The following ABCA4 variants were observed in gnomAD, a reference collection of about 807,000 sequenced individuals.
The protein encoded by ABCA4 is ATP binding cassette subfamily A member 4.
In ABCA4, 196 loss-of-function variants were observed where a neutral mutation model predicts 263.7. That is an observed-to-expected ratio of 0.74 (90% CI 0.66 to 0.84). The LOEUF (loss-of-function observed/expected upper bound fraction) is 0.84, where lower values mean the gene tolerates loss of function less well. Among genes scored for constraint, ABCA4 ranks in the 40% least tolerant of loss-of-function variants. ABCA4 has a pLI of 0.00. For missense variants in ABCA4, 2,792 were observed against 2,855.1 expected (o/e 0.98, Z 0.50); for synonymous variants, 1,133 against 1,094.2 (o/e 1.04, Z -0.70).
chr1:94,008,057 A>T lies in ABCA4; in HGVS notation c.5898+178T>A, dbSNP rs538742590. On this transcript the variant is annotated intron_variant, in intron 42 of 49. Transcript: ENST00000370225. Reference sequence around the variant, plus strand: ...TAAAATAAAAAATACTAATGAAATTAATTTTACCTATTTTCTTTTTACTTT... The same window carrying T: ...TAAAATAAAAAATACTAATGAAATTTATTTTACCTATTTTCTTTTTACTTT... Among the ~76,000 whole-genome samples, 5 of 152,352 alleles carry T rather than the reference A, an allele frequency of 3.3e-5. 1 individual carries two copies. The South Asian group carries it at 1.0e-3, about 32-fold the overall frequency.
At chr1:94,001,167 C>T (rs1264217173) in intron 45 of ABCA4, 62 bp from the exon 46 acceptor site, 2 of 1,388,768 alleles carry the variant, frequency 1.4e-6, no homozygotes, top group Admixed American at 3.4e-5. Context: ...ATTACTGCTT[C>T]CCCCTGGGCT....
In ABCA4 at chr1:94,019,741, A is replaced by C. The variant is rs1659845334; in HGVS notation, c.5037T>G (p.Asp1679Glu). ...AAATCACGCAGATGGCAACCACAGC[A>C]TCCACTGAAGTGGTCAGCCTGCAGC... ...SEITVLTTSVDAVVAICVIFS... is the reference protein window; with the variant it reads ...SEITVLTTSVEAVVAICVIFS... Residue 1679 changes from aspartate (D) to glutamate (E), a missense_variant, in exon 36 of 50, where the codon GAT becomes GAG. Coordinates refer to ENST00000370225, the MANE Select transcript of ABCA4 (RefSeq NM_000350.3). The C allele has an allele frequency of 1.9e-6, 3 of 1,613,076 alleles. No homozygotes were observed. Among genetic ancestry groups the C allele is most frequent in the Non-Finnish European group, 2.5e-6 (3 of 1,179,564 alleles).
At chr1:93,998,993 C>T (rs980858751) in intron 47 of ABCA4, among the ~76,000 whole-genome samples, 6 of 151,058 alleles carry the variant, frequency 4.0e-5, no homozygotes, top group South Asian at 2.1e-4. Context: ...TCAAGTGATC[C>T]GCCCGCCTTG....
At chr1:94,057,727 T>C (rs1047686647) in intron 14 of ABCA4, among the ~76,000 whole-genome samples, 4 of 152,174 alleles carry the variant, frequency 2.6e-5, no homozygotes, top group Admixed American at 2.0e-4. Context: ...ATGTAGAAAA[T>C]AGGACCAAAC....
chr1:94,056,992 T>C (rs911663326), intron 14 of ABCA4, among the ~76,000 whole-genome samples, 170 bp from the exon 15 acceptor site: 1 of 151,914 alleles, frequency 6.6e-6, no homozygotes, highest in Non-Finnish European at 1.5e-5. Flanking sequence ...CTGGGAGGAG[T>C]AGCACATTAG....
chr1:94,054,868 T>C (rs1230024904), intron 16 of ABCA4, among the ~76,000 whole-genome samples: 1 of 151,992 alleles, frequency 6.6e-6, no homozygotes, highest in Admixed American at 6.6e-5. Context: ...GAGGTGGTAG[T>C]GGAAGGAAGA....
intron 30 of ABCA4, among the ~76,000 whole-genome samples, chr1:94,025,800 G>A (rs373505461): frequency 1.3e-5 from 2 of 152,070 alleles, no homozygotes; most frequent in East Asian, 1.9e-4. Context: ...ATCTGTTTAC[G>A]TATTTGTATC....
At chr1:94,001,540 C>A (rs1222706051) in intron 45 of ABCA4, 3 of 580,412 alleles carry the variant, frequency 5.2e-6, no homozygotes, top group Admixed American at 4.3e-5. Flanking sequence ...GCTCAGTGCT[C>A]CTGTATGGGG....
At position 94,065,073 on chromosome 1, in the gene ABCA4, A is replaced by T. The variant is rs552076220; in HGVS notation, c.1555-1756T>A. 9.4e-4 allele frequency among the ~76,000 whole-genome samples: 143 copies of T among 152,120 alleles called. 1 individual carries two copies. The highest frequency in any genetic ancestry group is 3.3e-3 in the African/African-American group (138 of 41,496). On this transcript the variant is annotated intron_variant, in intron 11 of 49. Transcript: ENST00000370225. Reference sequence around the variant, plus strand: ...GAAACTGAGCTTTATAAAGTATCTTATTTTTTTGAGGAGACCTGCCTGAGG... The same window carrying T: ...GAAACTGAGCTTTATAAAGTATCTTTTTTTTTTGAGGAGACCTGCCTGAGG...
chr1:94,013,520 C>T (rs760974110), intron 38 of ABCA4, among the ~76,000 whole-genome samples: 13 of 152,106 alleles, frequency 8.5e-5, no homozygotes, highest in Non-Finnish European at 1.2e-4. Context: ...AAGGTTGAGG[C>T]GCCTGGGGAC....
chr1:94,066,545 T>A (rs899889784), intron 11 of ABCA4, among the ~76,000 whole-genome samples: 3 of 152,242 alleles, frequency 2.0e-5, no homozygotes, highest in Admixed American at 6.5e-5. Context: ...CACTCAGTCA[T>A]GGGGCATTTG....
chr1:94,023,823 T>C (rs1659967594), intron 31 of ABCA4, among the ~76,000 whole-genome samples: 1 of 151,704 alleles, frequency 6.6e-6, no homozygotes. Context: ...CTCGGGGGAG[T>C]TCCGACTCAC....
rs1660163253 is a variant in ABCA4, at chr1:94,030,352, C to T, written c.4352+76G>A. The T allele has an allele frequency of 3.8e-6, 5 of 1,331,486 alleles. No homozygotes were observed. The South Asian group carries it at 5.9e-5, about 16-fold the overall frequency. The allele number at this position is 1,331,486 out of a possible 1,614,324, so 82.5% of individuals were successfully genotyped here. On this transcript the variant is annotated intron_variant, in intron 29 of 49. Transcript: ENST00000370225. ...AGGATTGAGTGGGGCCTCCCCAACG[C>T]CTGCCATCTTGAACCCACCGTTGGG... is the stretch of plus-strand genomic sequence containing the variant.
intron 11 of ABCA4, among the ~76,000 whole-genome samples, chr1:94,065,545 G>A (rs1661247880): frequency 6.6e-6 from 1 of 152,212 alleles, no homozygotes; most frequent in African/African-American, 2.4e-5. Flanking sequence ...TGGCGATTCA[G>A]AGGCTGTGTT....
Position 94,041,297 on chromosome 1 carries a change from A to C in ABCA4, c.3434T>G (p.Leu1145Arg), listed in dbSNP as rs1660479149. 2 of 1,614,076 alleles carry C rather than the reference A, an allele frequency of 1.2e-6. No homozygotes were observed. Among genetic ancestry groups the C allele is most frequent in the Admixed American group, 1.7e-5 (1 of 60,020 alleles). ...TGTGCCAAAGCAGTTCTTCAGGAAG[A>C]GTGGGGTGCCTGAGCAGTAGAGCCT... ...QGRLYCSGTP[L>R]FLKNCFGTGL... is the part of the protein sequence containing the mutation. Residue 1145 changes from leucine to arginine, a missense_variant, in exon 23 of 50, where the codon CTC (leucine) becomes CGC (arginine). By Grantham distance (102) the Leu-to-Arg change is moderately radical. Transcript: ENST00000370225.
intron 11 of ABCA4, among the ~76,000 whole-genome samples, chr1:94,065,880 T>C (rs1000839859): frequency 2.0e-5 from 3 of 152,194 alleles, no homozygotes; most frequent in African/African-American, 4.8e-5. Context: ...GGAAATGGAA[T>C]TGGTATTTCT....
intron 8 of ABCA4, among the ~76,000 whole-genome samples, chr1:94,079,993 CAAAA>C (rs4147885): frequency 6.7e-6 from 1 of 148,370 alleles, no homozygotes; most frequent in African/African-American, 2.5e-5. Context: ...CATAGAAGAC[CAAAA>C]AAAAAAAAAT....
intron 11 of ABCA4, among the ~76,000 whole-genome samples, chr1:94,067,011 C>G (rs1661284810): frequency 6.6e-6 from 1 of 152,184 alleles, no homozygotes; most frequent in Non-Finnish European, 1.5e-5. Context: ...AAAGATAGTA[C>G]ATTCTTTGAG....
intron 2 of ABCA4, among the ~76,000 whole-genome samples, chr1:94,112,475 G>A (rs1450394490): frequency 6.6e-6 from 1 of 152,204 alleles, no homozygotes; most frequent in Non-Finnish European, 1.5e-5. Context: ...CTACACACAA[G>A]TATTTGCTTA....
Sources: allele counts gnomAD v4.1 joint callset (sites outside exome capture counted in the v4.1 genomes callset), GRCh38; gene constraint gnomAD v4.1.1; transcripts MANE v1.5; gene names NCBI Gene and HGNC (gene_info 2026-07-23, HGNC 2026-07-21).